The following AOAH variants were observed in gnomAD, a reference collection of about 807,000 sequenced individuals.
The protein encoded by AOAH is acyloxyacyl hydrolase.
A neutral mutation model predicts 92.2 loss-of-function variants in AOAH; 64 were observed. The ratio of observed to expected loss-of-function variants is 0.69; its 90% CI spans 0.57 to 0.86. The LOEUF (loss-of-function observed/expected upper bound fraction) is 0.86. Among genes scored for constraint, AOAH ranks in the 40% least tolerant of loss-of-function variants. AOAH has a pLI of 0.00. For missense variants in AOAH, 656 were observed against 694.6 expected (o/e 0.94, Z 0.62); for synonymous variants, 263 against 254.5 (o/e 1.03, Z -0.32).
rs773919276 is a variant in AOAH at position 36,513,103 on chromosome 7, C to T, written c.*149G>A. 6.9e-6 allele frequency: 11 copies of T among 1,596,184 alleles called. No homozygotes were observed. Among genetic ancestry groups the T allele is most frequent in the Admixed American group, 3.4e-5 (2 of 58,476 alleles). ...CATTGCACAGTCGTCCAGATATGCT[C>T]TTCATTGAGAGAAAGACATTTTGCA... is the stretch of plus-strand genomic sequence containing the variant. On this transcript the variant is annotated 3_prime_UTR_variant, in exon 21 of 21. Coordinates refer to ENST00000617537, the MANE Select transcript of AOAH (RefSeq NM_001637.4).
chr7:36,673,417 G>A lies in AOAH; in HGVS notation c.290+526C>T, dbSNP rs533569004. On this transcript the variant is annotated intron_variant, in intron 3 of 20. Coordinates refer to ENST00000617537, the MANE Select transcript of AOAH (RefSeq NM_001637.4). ...GCCGGTGTGGTGGCACATGCCCGCC[G>A]TAATCCCAGCCTCTTAGGCTAAGGC... Among the ~76,000 whole-genome samples, 378 of 144,256 alleles carry A rather than the reference G, an allele frequency of 2.6e-3. 1 individual carries two copies. Among genetic ancestry groups the A allele is most frequent in the African/African-American group, 7.1e-3 (274 of 38,550 alleles). The allele number at this position is 144,256 out of a possible 152,430, so 94.6% of individuals were successfully genotyped here. A position where few individuals can be genotyped will look rare whatever the true frequency, so the allele number is the denominator to read the frequency against.
At chr7:36,541,529 C>CA (rs59313980) in intron 15 of AOAH, among the ~76,000 whole-genome samples, 146,302 of 152,278 alleles carry the variant, frequency 0.96, 70,566 homozygotes, top group East Asian at 1. Flanking sequence ...CAAAATACTA[C>CA]AAGACATCAT....
At chr7:36,601,979 A>C (rs1181512894) in intron 11 of AOAH, among the ~76,000 whole-genome samples, 1 of 152,248 alleles carries the variant, frequency 6.6e-6, no homozygotes, top group Non-Finnish European at 1.5e-5. Context: ...CTTAAAATGT[A>C]CTACACACCA....
At chr7:36,548,239 G>T (rs3735395) in intron 15 of AOAH, among the ~76,000 whole-genome samples, 3 of 151,956 alleles carry the variant, frequency 2.0e-5, no homozygotes. Flanking sequence ...AGGCTGGAGT[G>T]CAGTGGCACG....
rs781222138 is a variant in AOAH, at chr7:36,602,062, A to AAGTC, written c.847-7636_847-7633dup. ...GATGCACATTCAACTTCAGCGAAAT[A>AAGTC]AGTCACTTTCAGGGAAAAAGTAGAG... On this transcript the variant is annotated intron_variant, in intron 11 of 20. Coordinates refer to ENST00000617537, the MANE Select transcript of AOAH (RefSeq NM_001637.4). Among the ~76,000 whole-genome samples, 15 of 152,352 alleles carry AAGTC rather than the reference A, an allele frequency of 9.8e-5. No individual in the cohort carries two copies. In the South Asian group the frequency reaches 3.1e-3, roughly 32 times the overall value.
At chr7:36,721,421 C>A (rs981206944) in intron 1 of AOAH, among the ~76,000 whole-genome samples, 3 of 152,152 alleles carry the variant, frequency 2.0e-5, no homozygotes, top group Non-Finnish European at 4.4e-5. Context: ...AACTCCCCTG[C>A]ACACACATTT....
intron 13 of AOAH, among the ~76,000 whole-genome samples, chr7:36,575,580 T>C (rs533641992): frequency 2.6e-5 from 4 of 152,320 alleles, no homozygotes; most frequent in Admixed American, 6.5e-5. Context: ...TGCCTTACAA[T>C]GTCTGTTGTT....
chr7:36,621,306 G>A (rs1286460235), intron 8 of AOAH, among the ~76,000 whole-genome samples: 1 of 152,220 alleles, frequency 6.6e-6, no homozygotes, highest in Non-Finnish European at 1.5e-5. Context: ...CCATTCATTA[G>A]AGGCTTCTCC....
chr7:36,548,809 A>G (rs1255162763), intron 14 of AOAH, 123 bp from the exon 15 acceptor site: 2 of 735,612 alleles, frequency 2.7e-6, no homozygotes, highest in Admixed American at 2.2e-5. Context: ...ACTTTTTGCT[A>G]TTTTTCTTTC....
chr7:36,592,940 C>A (rs1344642950), intron 12 of AOAH, among the ~76,000 whole-genome samples: 3 of 152,064 alleles, frequency 2.0e-5, no homozygotes, highest in Non-Finnish European at 4.4e-5. Flanking sequence ...CTTGGCTTTC[C>A]CTATATTGGC....
intron 1 of AOAH, among the ~76,000 whole-genome samples, chr7:36,719,528 T>A (rs1175306455): frequency 3.3e-5 from 5 of 152,202 alleles, no homozygotes; most frequent in Non-Finnish European, 7.3e-5. Flanking sequence ...GAAGGTGATA[T>A]AAATATTTTA....
intron 11 of AOAH, among the ~76,000 whole-genome samples, chr7:36,602,457 T>TTC (rs1554295904): frequency 2.1e-4 from 32 of 151,522 alleles, no homozygotes; most frequent in African/African-American, 7.5e-4. Context: ...TTTTTTTTTT[T>TTC]CATCCCCTAG....
At chr7:36,618,216 G>C (rs555349434) in intron 10 of AOAH, 81 bp downstream of exon 10, 1 of 1,222,886 alleles carries the variant, frequency 8.2e-7, no homozygotes, top group Admixed American at 1.8e-5. Context: ...TTCTGACTTA[G>C]GTGGTCTGCT....
intron 2 of AOAH, among the ~76,000 whole-genome samples, chr7:36,678,322 A>G (rs1355072336): frequency 6.6e-6 from 1 of 152,132 alleles, no homozygotes; most frequent in Non-Finnish European, 1.5e-5. Flanking sequence ...ATGTGGGTGT[A>G]GGATTTGGTC....
At chr7:36,527,149 G>A (rs1379956846) in intron 19 of AOAH, among the ~76,000 whole-genome samples, 2 of 152,214 alleles carry the variant, frequency 1.3e-5, no homozygotes, top group Non-Finnish European at 2.9e-5. Flanking sequence ...GAATGAGTCA[G>A]CAAGAGACAG....
In AOAH at chr7:36,540,388, C is replaced by A. The variant is rs1421064363; in HGVS notation, c.1237G>T (p.Val413Phe). ...LNSHLPNGSH[V>F]ILYGLPDGTF... Reference sequence around the variant, plus strand: ...CCATCTGGTAAGCCATACAAAATAACATGGCTGCCATTGGGCAGGTGGGAA... The same window carrying A: ...CCATCTGGTAAGCCATACAAAATAAAATGGCTGCCATTGGGCAGGTGGGAA... The change falls in exon 16 of 21, where the codon GTT becomes TTT. Residue 413 changes from valine to phenylalanine, a missense_variant. By Grantham distance (50) the Val-to-Phe change is conservative. Transcript: ENST00000617537. The A allele has an allele frequency of 6.2e-7, 1 of 1,613,796 alleles. No homozygotes were observed. Among genetic ancestry groups the A allele is most frequent in the Non-Finnish European group, 8.5e-7 (1 of 1,179,890 alleles).
At chr7:36,542,979 A>G (rs1399405018) in intron 15 of AOAH, among the ~76,000 whole-genome samples, 1 of 152,030 alleles carries the variant, frequency 6.6e-6, no homozygotes, top group East Asian at 1.9e-4. Flanking sequence ...TGACTACAAC[A>G]ATACTTTTGG....
intron 4 of AOAH, among the ~76,000 whole-genome samples, chr7:36,652,325 G>C (rs1187237461): frequency 6.6e-6 from 1 of 152,176 alleles, no homozygotes; most frequent in Non-Finnish European, 1.5e-5. Flanking sequence ...ATAACTCAAA[G>C]TATAAAATAC....
intron 1 of AOAH, among the ~76,000 whole-genome samples, chr7:36,713,608 C>G (rs1252023679): frequency 1.3e-5 from 2 of 152,166 alleles, no homozygotes; most frequent in Non-Finnish European, 1.5e-5. Flanking sequence ...TGGAAAAGAA[C>G]AGAAATTATA....
Sources: allele counts gnomAD v4.1 joint callset (sites outside exome capture counted in the v4.1 genomes callset), GRCh38; gene constraint gnomAD v4.1.1; transcripts MANE v1.5; gene names NCBI Gene and HGNC (gene_info 2026-07-23, HGNC 2026-07-21).